Variants in DEPDC1B observed in about 807,000 individuals in gnomAD.
DEPDC1B encodes DEP domain containing 1B.
Under a neutral mutation model 66.5 loss-of-function variants are expected in DEPDC1B, and 51 were observed. The observed-to-expected ratio is 0.77, with a 90% CI of 0.61 to 0.97. The LOEUF (loss-of-function observed/expected upper bound fraction) is 0.97. Ranked by LOEUF, DEPDC1B falls within the 50% of genes least tolerant of loss-of-function variation. DEPDC1B has a pLI of 0.00. For missense variants in DEPDC1B, 552 were observed against 637.1 expected, an observed-to-expected ratio of 0.87 and a Z score of 1.44; for synonymous variants, 226 against 223.6, an observed-to-expected ratio of 1.01 and a Z score of -0.10.
intron 9 of DEPDC1B, among the ~76,000 whole-genome samples, chr5:60,600,132 A>G (rs193099897): frequency 6.6e-5 from 10 of 152,310 alleles, no homozygotes; most frequent in Non-Finnish European, 8.8e-5. Context: ...TGTGATTCTC[A>G]ATGCCTTGGG....
chr5:60,697,336 G>A (rs1443399803), intron 1 of DEPDC1B, among the ~76,000 whole-genome samples: 1 of 152,082 alleles, frequency 6.6e-6, no homozygotes, highest in Admixed American at 6.5e-5. Context: ...AGTAAAGTGA[G>A]CCATGAAAGG....
intron 6 of DEPDC1B, among the ~76,000 whole-genome samples, chr5:60,641,349 C>CT (rs11326495): frequency 0.015 from 1,984 of 128,636 alleles, 48 homozygotes; most frequent in African/African-American, 0.049. Flanking sequence ...TGATCAACTT[C>CT]TTTTTTTTTT....
At chr5:60,612,018 A>C (rs1203198637) in intron 7 of DEPDC1B, among the ~76,000 whole-genome samples, 3 of 152,218 alleles carry the variant, frequency 2.0e-5, no homozygotes, top group Non-Finnish European at 4.4e-5. Flanking sequence ...ATTTGGCTTC[A>C]AAGCTTGAAA....
At chr5:60,669,282 T>C (rs752968065) in intron 2 of DEPDC1B, among the ~76,000 whole-genome samples, 1 of 152,208 alleles carries the variant, frequency 6.6e-6, no homozygotes, top group Non-Finnish European at 1.5e-5. Flanking sequence ...CTCTCAATGA[T>C]TTAAAGCCCT....
At chr5:60,691,479 T>G (rs1754544424) in intron 1 of DEPDC1B, among the ~76,000 whole-genome samples, 1 of 152,232 alleles carries the variant, frequency 6.6e-6, no homozygotes, top group African/African-American at 2.4e-5. Flanking sequence ...TTCTACTTCT[T>G]TTGACACTGT....
At chr5:60,685,075 C>T (rs191465924) in intron 2 of DEPDC1B, among the ~76,000 whole-genome samples, 145 of 152,278 alleles carry the variant, frequency 9.5e-4, no homozygotes, top group African/African-American at 3.3e-3. Flanking sequence ...ACCTGCCTCT[C>T]GCTCATACTC....
At chr5:60,630,108 G>A (rs1752889878) in intron 7 of DEPDC1B, among the ~76,000 whole-genome samples, 1 of 152,122 alleles carries the variant, frequency 6.6e-6, no homozygotes. Flanking sequence ...TTTATTTTGA[G>A]TTGATTTTTG....
intron 1 of DEPDC1B, among the ~76,000 whole-genome samples, chr5:60,693,987 G>A (rs758525836): frequency 3.1e-4 from 47 of 152,014 alleles, no homozygotes; most frequent in Non-Finnish European, 5.9e-5. Flanking sequence ...GGCTCTCTGG[G>A]ACCCAATATT....
intron 4 of DEPDC1B, 148 bp downstream of exon 4, chr5:60,645,344 A>T: frequency 1.3e-6 from 1 of 757,682 alleles, no homozygotes; most frequent in Non-Finnish European, 2.0e-6. Flanking sequence ...GAATTCAGTT[A>T]AACTATGTTT....
At chr5:60,660,031 G>C (rs1011661519) in intron 2 of DEPDC1B, among the ~76,000 whole-genome samples, 1 of 152,148 alleles carries the variant, frequency 6.6e-6, no homozygotes, top group Non-Finnish European at 1.5e-5. Flanking sequence ...TAATAGATCA[G>C]GATGAAAATG....
intron 6 of DEPDC1B, among the ~76,000 whole-genome samples, chr5:60,639,163 A>G (rs1214354359): frequency 6.6e-6 from 1 of 152,226 alleles, no homozygotes; most frequent in Admixed American, 6.5e-5. Flanking sequence ...CTTCCATTTT[A>G]AAAGAAACCT....
intron 7 of DEPDC1B, among the ~76,000 whole-genome samples, chr5:60,613,788 T>TTGTG (rs36109910): frequency 0.037 from 3,846 of 103,318 alleles, 75 homozygotes; most frequent in South Asian, 0.075. Context: ...ACATATGTAT[T>TTGTG]TGTGTGTGTG....
chr5:60,619,784 A>G (rs1386973618), intron 7 of DEPDC1B, among the ~76,000 whole-genome samples: 1 of 152,210 alleles, frequency 6.6e-6, no homozygotes, highest in African/African-American at 2.4e-5. Context: ...AATTGGAAAA[A>G]ACTACTTTAA....
chr5:60,692,869 G>C (rs758536546), intron 1 of DEPDC1B, among the ~76,000 whole-genome samples: 1 of 152,026 alleles, frequency 6.6e-6, no homozygotes, highest in Non-Finnish European at 1.5e-5. Context: ...AAATAATATT[G>C]AGATGAACAG....
At chr5:60,659,104 G>A (rs1753646134) in intron 2 of DEPDC1B, among the ~76,000 whole-genome samples, 1 of 152,150 alleles carries the variant, frequency 6.6e-6, no homozygotes, top group Non-Finnish European at 1.5e-5. Context: ...GCTTCTAATA[G>A]AGCTATACCA....
intron 3 of DEPDC1B, 21 bp from the exon 4 acceptor site, chr5:60,645,640 G>A (rs1478952541): frequency 6.3e-7 from 1 of 1,590,030 alleles, no homozygotes; most frequent in African/African-American, 1.3e-5. Context: ...GGGGATGTAA[G>A]AAGGGAGGGA....
chr5:60,602,157 G>A (rs1350099505), intron 9 of DEPDC1B, among the ~76,000 whole-genome samples: 1 of 121,280 alleles, frequency 8.2e-6, no homozygotes, highest in Non-Finnish European at 1.7e-5. Flanking sequence ...CAGGGAAGGT[G>A]GGAAGGAGGG....
In DEPDC1B at chr5:60,647,383, A is replaced by G; in HGVS notation, c.450+15T>C. The G allele has an allele frequency of 6.3e-7, 1 of 1,578,306 alleles. No individual in the cohort carries two copies. Among genetic ancestry groups the G allele is most frequent in the Non-Finnish European group, 8.6e-7 (1 of 1,166,118 alleles). Reference sequence around the variant, plus strand: ...CCTGCTGCCAGCCCTTCCATCTTTCAGTCATGGCACTTACCATCACAACTG... The same window carrying G: ...CCTGCTGCCAGCCCTTCCATCTTTCGGTCATGGCACTTACCATCACAACTG... On this transcript the variant is annotated intron_variant, in intron 3 of 10. Coordinates refer to ENST00000265036, the MANE Select transcript of DEPDC1B (RefSeq NM_018369.3).
chr5:60,672,738 C>T (rs184244348), intron 2 of DEPDC1B, among the ~76,000 whole-genome samples: 20 of 152,272 alleles, frequency 1.3e-4, no homozygotes, highest in African/African-American at 4.8e-4. Context: ...CAGAGAGTGT[C>T]AGCATTTTGC....
Sources: gnomAD v4.1 joint callset for allele counts (sites outside exome capture counted in the v4.1 genomes callset) on GRCh38, gnomAD v4.1.1 for gene constraint, MANE v1.5 for transcripts, NCBI Gene and HGNC (gene_info 2026-07-23, HGNC 2026-07-21) for gene names.